Variants in TMEM248 observed in about 807,000 individuals in gnomAD.
The protein encoded by TMEM248 is UPF0458 protein C7orf42.
A neutral mutation model predicts 30.3 loss-of-function variants in TMEM248; 9 were observed. The ratio of observed to expected loss-of-function variants is 0.30; its 90% CI spans 0.18 to 0.52. The LOEUF is 0.52. Ranked by LOEUF, TMEM248 falls within the 20% of genes least tolerant of loss-of-function variation. TMEM248 has a pLI of 0.97. For missense variants in TMEM248, 338 were observed against 403.3 expected (o/e 0.84, Z 1.39); for synonymous variants, 184 against 154.4 (o/e 1.19, Z -1.42).
In TMEM248 at chr7:66,945,203, T is replaced by A; in HGVS notation, c.387T>A (p.Tyr129Ter). 6.2e-7 allele frequency: 1 copy of A among 1,614,208 alleles called. No individual in the cohort carries two copies. The highest frequency in any genetic ancestry group is 8.5e-7 in the Non-Finnish European group (1 of 1,180,040). The change falls in exon 3 of 7, where the codon TAT becomes TAA. Residue 129 changes from tyrosine (Y) to a stop codon, truncating the protein, a stop_gained. Transcript: ENST00000341567. LOFTEE classifies it high-confidence loss of function. ...ACCCACTGAAACCCTTCGGAGGGTA[T>A]TCCCGCAACGTCACCCATCTGTACT... ...TLDPLKPFGG[Y>*]SRNVTHLYST...
intron 1 of TMEM248, among the ~76,000 whole-genome samples, chr7:66,934,885 C>T (rs944694243): frequency 2.0e-5 from 3 of 151,900 alleles, no homozygotes; most frequent in African/African-American, 7.2e-5. Flanking sequence ...AACCCTGTCT[C>T]TACTTAAAAA....
At chr7:66,933,123 G>A (rs1478322583) in intron 1 of TMEM248, among the ~76,000 whole-genome samples, 1 of 152,132 alleles carries the variant, frequency 6.6e-6, no homozygotes. Context: ...ACCTCCCAAA[G>A]TGCTGGGATT....
At chr7:66,923,258 GC>G (rs1392701778) in intron 1 of TMEM248, among the ~76,000 whole-genome samples, 1 of 151,820 alleles carries the variant, frequency 6.6e-6, no homozygotes, top group Non-Finnish European at 1.5e-5. Flanking sequence ...CGATTTTTCT[GC>G]CTCAGCTGCC....
At chr7:66,933,211 G>A (rs1791713994) in intron 1 of TMEM248, among the ~76,000 whole-genome samples, 1 of 152,120 alleles carries the variant, frequency 6.6e-6, no homozygotes, top group Non-Finnish European at 1.5e-5. Flanking sequence ...TGTTGCTCAG[G>A]CTAGAGTGCA....
At chr7:66,946,078 C>G (rs1280414392) in intron 3 of TMEM248, among the ~76,000 whole-genome samples, 3 of 143,180 alleles carry the variant, frequency 2.1e-5, no homozygotes, top group African/African-American at 5.1e-5. Context: ...GAGGGAGACT[C>G]TCTCTCCAAA....
intron 1 of TMEM248, among the ~76,000 whole-genome samples, chr7:66,935,652 C>T (rs1791781921): frequency 6.6e-6 from 1 of 152,194 alleles, no homozygotes; most frequent in Non-Finnish European, 1.5e-5. Flanking sequence ...AAGGGATTCT[C>T]ATGCCTCAGC....
intron 2 of TMEM248, among the ~76,000 whole-genome samples, chr7:66,943,889 C>T (rs528229628): frequency 9.9e-5 from 15 of 151,862 alleles, no homozygotes; most frequent in Admixed American, 2.0e-4. Context: ...CCTCTGCCCC[C>T]CTTCAAACGA....
intron 6 of TMEM248, among the ~76,000 whole-genome samples, chr7:66,954,992 C>G (rs755993091): frequency 2.0e-5 from 3 of 152,086 alleles, no homozygotes; most frequent in African/African-American, 7.2e-5. Flanking sequence ...GTTACCTCAG[C>G]TAGGTGGACC....
chr7:66,944,752 T>C (rs1335904056), intron 2 of TMEM248, among the ~76,000 whole-genome samples: 1 of 152,186 alleles, frequency 6.6e-6, no homozygotes, highest in Non-Finnish European at 1.5e-5. Flanking sequence ...CTTGTGCCAG[T>C]GAAGAGTTCA....
Position 66,941,919 on chromosome 7 carries a change from T to A in TMEM248, c.54T>A (p.Pro18=), listed in dbSNP as rs530453680. ...ENLKVYISSR[P]PLVVFMISVS... The stretch of plus-strand genomic sequence containing the variant: ...TGAAGGTGTACATCAGCAGTCGGCC[T>A]CCCCTGGTGGTCTTCATGATCAGCG... Residue 18 remains proline (P), a synonymous_variant, in exon 2 of 7, where the codon CCT becomes CCA. Coordinates refer to ENST00000341567, the MANE Select transcript of TMEM248 (RefSeq NM_017994.5). 7.1e-5 allele frequency: 115 copies of A among 1,614,108 alleles called. 2 individuals carry two copies. The South Asian group carries it at 1.1e-3, about 16-fold the overall frequency.
intron 1 of TMEM248, among the ~76,000 whole-genome samples, chr7:66,939,835 AAAC>A (rs1291360485): frequency 6.6e-6 from 1 of 152,184 alleles, no homozygotes; most frequent in Non-Finnish European, 1.5e-5. Flanking sequence ...GACAAACAGT[AAAC>A]AAGTAGGAAA....
rs75796278 is a variant in TMEM248, at chr7:66,927,206, C to T, written c.-19+5745C>T. 3.5e-3 allele frequency among the ~76,000 whole-genome samples: 530 copies of T among 152,100 alleles called. 6 individuals carry two copies. Among genetic ancestry groups the T allele is most frequent in the African/African-American group, 0.012 (508 of 41,490 alleles). The stretch of plus-strand genomic sequence containing the variant: ...TTTTTTAAGAAGCGGGGGGGTTGAA[C>T]GTTACCATGGTTTTATATCATGATT... On this transcript the variant is annotated intron_variant, in intron 1 of 6. Transcript: ENST00000341567.
intron 6 of TMEM248, among the ~76,000 whole-genome samples, chr7:66,953,638 T>A (rs1307654252): frequency 1.3e-5 from 2 of 152,048 alleles, no homozygotes; most frequent in Non-Finnish European, 2.9e-5. Flanking sequence ...GGAGTCTCGC[T>A]CTGTCTCCCA....
intron 4 of TMEM248, among the ~76,000 whole-genome samples, chr7:66,949,942 C>T (rs191071491): frequency 1.6e-3 from 242 of 152,130 alleles, no homozygotes; most frequent in African/African-American, 5.8e-3. Context: ...TAAGAATTAT[C>T]TCAGGATTTG....
At chr7:66,939,493 C>T (rs1348589922) in intron 1 of TMEM248, among the ~76,000 whole-genome samples, 1 of 152,202 alleles carries the variant, frequency 6.6e-6, no homozygotes, top group Non-Finnish European at 1.5e-5. Context: ...GTTGATGCAT[C>T]TTTTTGTCTC....
chr7:66,923,268 C>T (rs796205763), intron 1 of TMEM248, among the ~76,000 whole-genome samples: 16 of 152,108 alleles, frequency 1.1e-4, no homozygotes, highest in African/African-American at 3.9e-4. Context: ...GCCTCAGCTG[C>T]CTGAGTAGCT....
chr7:66,934,887 A>G (rs1420021082), intron 1 of TMEM248, among the ~76,000 whole-genome samples: 1 of 151,986 alleles, frequency 6.6e-6, no homozygotes, highest in Non-Finnish European at 1.5e-5. Context: ...CCCTGTCTCT[A>G]CTTAAAAAAA....
At chr7:66,951,797 A>G (rs1001700539) in intron 5 of TMEM248, among the ~76,000 whole-genome samples, 2 of 151,884 alleles carry the variant, frequency 1.3e-5, no homozygotes, top group African/African-American at 4.8e-5. Flanking sequence ...AGTGGCTGGG[A>G]CTACAGGTGC....
rs1303917013 is a variant in TMEM248, at chr7:66,942,067, G to C, written c.159+43G>C. On this transcript the variant is annotated intron_variant, in intron 2 of 6. Coordinates refer to ENST00000341567, the MANE Select transcript of TMEM248 (RefSeq NM_017994.5). ...TTCTCCCGGGCTGGCTGGTCCTTGTGCAGTGGGGCAACACCCTGTGGCTTG... is the reference window on the plus strand; with the variant it reads ...TTCTCCCGGGCTGGCTGGTCCTTGTCCAGTGGGGCAACACCCTGTGGCTTG... The C allele has an allele frequency of 2.5e-6, 4 of 1,596,058 alleles. No individual in the cohort carries two copies. In the African/African-American group the frequency reaches 5.4e-5, roughly 21 times the overall value.
Sources: gnomAD v4.1 joint callset for allele counts (sites outside exome capture counted in the v4.1 genomes callset) on GRCh38, gnomAD v4.1.1 for gene constraint, MANE v1.5 for transcripts, NCBI Gene and HGNC (gene_info 2026-07-23, HGNC 2026-07-21) for gene names.